Variants in UGT1A10 observed in about 807,000 individuals in gnomAD.
The protein encoded by UGT1A10 is UDP-glucuronosyltransferase 1A10.
Under a neutral mutation model 45.8 loss-of-function variants are expected in UGT1A10, and 49 were observed. That is an observed-to-expected ratio of 1.07 (90% CI 0.85 to 1.36). The LOEUF (loss-of-function observed/expected upper bound fraction) is 1.36, where lower values mean the gene tolerates loss of function less well. UGT1A10 is among the 40% of genes most tolerant of loss of function. The pLI, the probability that UGT1A10 is intolerant of heterozygous loss-of-function variation, is 0.00. For synonymous variants in UGT1A10, 284 were observed against 249.7 expected (o/e 1.14, Z -1.29); for missense variants, 745 against 668.6 (o/e 1.11, Z -1.26).
At chr2:233,753,025 C>CA in intron 1 of UGT1A10, among the ~76,000 whole-genome samples, 1 of 152,200 alleles carries the variant, frequency 6.6e-6, no homozygotes, top group East Asian at 1.9e-4. Context: ...ATTTACAACA[C>CA]AAAAAACTAC....
chr2:233,748,384 T>G (rs546137113), intron 1 of UGT1A10, among the ~76,000 whole-genome samples: 6 of 151,768 alleles, frequency 4.0e-5, no homozygotes, highest in Admixed American at 6.6e-5. Flanking sequence ...ATGTCCTTCA[T>G]TGGGAAGGAG....
chr2:233,644,184 G>A (rs1200003434), intron 1 of UGT1A10, among the ~76,000 whole-genome samples: 2 of 152,210 alleles, frequency 1.3e-5, no homozygotes, highest in Admixed American at 1.3e-4. Context: ...TTGAGGCCAA[G>A]ACCATTTTGG....
chr2:233,703,685 T>C (rs1041674498), intron 1 of UGT1A10, among the ~76,000 whole-genome samples: 7 of 152,282 alleles, frequency 4.6e-5, no homozygotes, highest in Admixed American at 2.0e-4. Flanking sequence ...ATATTTTTTT[T>C]CCACCATTTA....
At chr2:233,695,073 G>T (rs1470813496) in intron 1 of UGT1A10, among the ~76,000 whole-genome samples, 1 of 151,628 alleles carries the variant, frequency 6.6e-6, no homozygotes, top group African/African-American at 2.4e-5. Context: ...TCGCACTTTG[G>T]ACTTACTCAT....
chr2:233,667,601 C>A (rs1432875823), intron 1 of UGT1A10, among the ~76,000 whole-genome samples: 1 of 152,138 alleles, frequency 6.6e-6, no homozygotes, highest in Non-Finnish European at 1.5e-5. Context: ...AGGCAACTTA[C>A]AGAATGGGAG....
rs117577813 is a variant in UGT1A10, at chr2:233,668,028, C to T, written c.855+30651C>T. ...TTCCCATATATCTTTTGCCAGTTTC[C>T]CCTATTGCTAAATGTTAGTTTACTG... is the stretch of plus-strand genomic sequence containing the variant. On this transcript the variant is annotated intron_variant, in intron 1 of 4. Transcript: ENST00000344644. Among the ~76,000 whole-genome samples the T allele has an allele frequency of 3.6e-3, 551 of 151,122 alleles. 6 individuals are homozygous for T. The East Asian group carries it at 0.044, about 12-fold the overall frequency.
At chr2:233,672,932 C>T (rs45554333) in intron 1 of UGT1A10, 16,585 of 1,450,472 alleles carry the variant, frequency 0.011, 227 homozygotes, top group Admixed American at 0.04. Flanking sequence ...TGTGCCAATG[C>T]GTGTACTCGT....
At chr2:233,725,001 G>C (rs1276972399) in intron 1 of UGT1A10, among the ~76,000 whole-genome samples, 3 of 134,004 alleles carry the variant, frequency 2.2e-5, no homozygotes, top group African/African-American at 3.7e-5. Flanking sequence ...GCTGGAGACC[G>C]GCCCGGCCAA....
chr2:233,741,046 C>A (rs1691547003), intron 1 of UGT1A10, among the ~76,000 whole-genome samples: 1 of 151,736 alleles, frequency 6.6e-6, no homozygotes, highest in African/African-American at 2.4e-5. Context: ...ATGATCTTGC[C>A]TAGGTAACAG....
At chr2:233,732,419 C>T (rs1270659145) in intron 1 of UGT1A10, among the ~76,000 whole-genome samples, 4 of 152,190 alleles carry the variant, frequency 2.6e-5, no homozygotes, top group Non-Finnish European at 5.9e-5. Context: ...CCTAGGTTTT[C>T]TTCTAGGATT....
chr2:233,668,754 C>T (rs946488744), intron 1 of UGT1A10, among the ~76,000 whole-genome samples: 14 of 152,216 alleles, frequency 9.2e-5, no homozygotes, highest in Non-Finnish European at 1.9e-4. Flanking sequence ...AACACTGACA[C>T]ATTATGTTGA....
chr2:233,752,963 T>C (rs372881238), intron 1 of UGT1A10, among the ~76,000 whole-genome samples: 4 of 152,322 alleles, frequency 2.6e-5, no homozygotes, highest in African/African-American at 4.8e-5. Context: ...GGGATTTATG[T>C]AACCAATTGT....
rs752305202 is a variant in UGT1A10, at chr2:233,769,534, G to A, written c.1295+1095G>A. ...CTCCCATGGTTACCTCCTTTAGAAA[G>A]AAGCAGCAGTCAGGAAGACAGATGT... On this transcript the variant is annotated intron_variant, in intron 4 of 4. Transcript: ENST00000344644. This position sits in a 1 kb window ranked among gnomAD's most constrained non-coding sequence, Gnocchi z 4.4. 1.9e-6 allele frequency: 3 copies of A among 1,612,926 alleles called. No homozygotes were observed. Among genetic ancestry groups the A allele is most frequent in the Non-Finnish European group, 2.5e-6 (3 of 1,179,884 alleles).
chr2:233,639,629 C>T (rs989696089), intron 1 of UGT1A10, among the ~76,000 whole-genome samples: 3 of 152,236 alleles, frequency 2.0e-5, no homozygotes, highest in Non-Finnish European at 4.4e-5. Flanking sequence ...GGTGTGTTTG[C>T]GTGCAGTGTC....
At chr2:233,645,969 G>A (rs1367729005) in intron 1 of UGT1A10, among the ~76,000 whole-genome samples, 1 of 152,194 alleles carries the variant, frequency 6.6e-6, no homozygotes, top group African/African-American at 2.4e-5. Flanking sequence ...CTCTGTGAGG[G>A]TCCTGCCCCT....
In UGT1A10 at chr2:233,729,871, C is replaced by G. The variant is rs752223675; in HGVS notation, c.856-37163C>G. On this transcript the variant is annotated intron_variant, in intron 1 of 4. Coordinates refer to ENST00000344644, the MANE Select transcript of UGT1A10 (RefSeq NM_019075.4). Reference sequence around the variant, plus strand: ...GAGAGAGGTGTCAGTGGTGGATATTCTCAGTCATGCATCTGTGTGGCTGTT... The same window carrying G: ...GAGAGAGGTGTCAGTGGTGGATATTGTCAGTCATGCATCTGTGTGGCTGTT... The G allele has an allele frequency of 1.5e-5, 25 of 1,613,730 alleles. No homozygotes were observed. Among genetic ancestry groups the G allele is most frequent in the African/African-American group, 4.0e-5 (3 of 74,882 alleles).
rs45470199 is a variant in UGT1A10, at chr2:233,713,204, A to G, written c.856-53830A>G. The G allele has an allele frequency of 2.1e-3, 3,394 of 1,614,240 alleles. 62 individuals are homozygous for G. In the African/African-American group the frequency reaches 0.04, roughly 19 times the overall value. Reference sequence around the variant, plus strand: ...TGGAGGTGAATATGTACATCAAAGAAGAGAACTTTTTCACCCTGACAACGT... The same window carrying G: ...TGGAGGTGAATATGTACATCAAAGAGGAGAACTTTTTCACCCTGACAACGT... On this transcript the variant is annotated intron_variant, in intron 1 of 4. Transcript: ENST00000344644.
chr2:233,639,617 C>T (rs1282694534), intron 1 of UGT1A10, among the ~76,000 whole-genome samples: 1 of 152,126 alleles, frequency 6.6e-6, no homozygotes, highest in Non-Finnish European at 1.5e-5. Flanking sequence ...TGTGTATGTG[C>T]AGGTGTGTTT....
chr2:233,724,355 C>T (rs1465005246), intron 1 of UGT1A10, among the ~76,000 whole-genome samples: 1 of 148,690 alleles, frequency 6.7e-6, no homozygotes, highest in Admixed American at 6.7e-5. Flanking sequence ...CCCCACCTCC[C>T]TCCCGGACGG....
Sources: gnomAD v4.1 joint callset for allele counts (sites outside exome capture counted in the v4.1 genomes callset) on GRCh38, gnomAD v4.1.1 for gene constraint, Gnocchi (gnomAD v3.1) non-coding constraint, MANE v1.5 for transcripts, NCBI Gene and HGNC (gene_info 2026-07-23, HGNC 2026-07-21) for gene names.